GRIK1: variants seen among roughly 807,000 people sequenced by gnomAD.
GRIK1 encodes the protein glutamate ionotropic receptor kainate type subunit 1.
GRIK1 carries 69 observed loss-of-function variants against 105.7 expected under a neutral mutation model. The ratio of observed to expected loss-of-function variants is 0.65; its 90% confidence interval spans 0.54 to 0.80. The LOEUF (loss-of-function observed/expected upper bound fraction) is 0.80, where lower values mean the gene tolerates loss of function less well. Ranked by LOEUF, GRIK1 falls within the 30% of genes least tolerant of loss-of-function variation. The probability of loss-of-function intolerance (pLI) is 0.00; values close to 1 mark genes in which losing one functional copy is unlikely to be tolerated. For synonymous variants in GRIK1, 438 were observed against 431.3 expected (o/e 1.02, Z -0.19); for missense variants, 1,109 against 1,167.3 (o/e 0.95, Z 0.73).
At chr21:29,604,378 T>C (rs1359196435) in intron 7 of GRIK1, among the ~76,000 whole-genome samples, 2 of 152,238 alleles carry the variant, frequency 1.3e-5, no homozygotes, top group Non-Finnish European at 2.9e-5. Flanking sequence ...ATTACCCATG[T>C]CTTCCTGCCT....
intron 1 of GRIK1, among the ~76,000 whole-genome samples, chr21:29,813,684 C>A (rs534885761): frequency 5.3e-5 from 8 of 152,086 alleles, no homozygotes; most frequent in African/African-American, 1.9e-4. Context: ...ATTAATATAT[C>A]TTACACCAAG....
intron 1 of GRIK1, among the ~76,000 whole-genome samples, chr21:29,890,722 G>A (rs528687345): frequency 9.2e-5 from 14 of 152,240 alleles, no homozygotes; most frequent in African/African-American, 3.1e-4. Context: ...TTATAGCAAA[G>A]ACTACTTGGC....
chr21:29,668,439 T>G (rs2063100694), intron 4 of GRIK1, among the ~76,000 whole-genome samples: 1 of 152,088 alleles, frequency 6.6e-6, no homozygotes, highest in Non-Finnish European at 1.5e-5. Context: ...GCAAAGGCTA[T>G]GATGTGGGGA....
intron 7 of GRIK1, among the ~76,000 whole-genome samples, chr21:29,634,899 C>A (rs2062363823): frequency 6.6e-6 from 1 of 152,106 alleles, no homozygotes; most frequent in African/African-American, 2.4e-5. Flanking sequence ...AAGCTATGAG[C>A]AAGTTTGTGT....
intron 7 of GRIK1, among the ~76,000 whole-genome samples, chr21:29,606,689 AC>A (rs1216303541): frequency 2.6e-5 from 4 of 151,548 alleles, no homozygotes; most frequent in Non-Finnish European, 4.4e-5. Flanking sequence ...ACAAAACAAA[AC>A]AAAACAAAAA....
At chr21:29,886,877 G>T (rs1055010210) in intron 1 of GRIK1, among the ~76,000 whole-genome samples, 1 of 152,124 alleles carries the variant, frequency 6.6e-6, no homozygotes, top group Non-Finnish European at 1.5e-5. Context: ...CTTTTTCAAA[G>T]AGAAATGTAC....
At chr21:29,803,597 A>T (rs1367317488) in intron 1 of GRIK1, among the ~76,000 whole-genome samples, 2 of 152,108 alleles carry the variant, frequency 1.3e-5, no homozygotes, top group East Asian at 1.9e-4. Flanking sequence ...CAGGGCTTTC[A>T]CTAAGTAAAT....
chr21:29,861,005 T>C (rs1436862304), intron 1 of GRIK1, among the ~76,000 whole-genome samples: 1 of 152,194 alleles, frequency 6.6e-6, no homozygotes, highest in East Asian at 1.9e-4. Context: ...CTGGTTTTTT[T>C]TTTTAACTTC....
chr21:29,571,196 C>T (rs190455792), intron 14 of GRIK1, among the ~76,000 whole-genome samples: 3 of 151,916 alleles, frequency 2.0e-5, no homozygotes, highest in Admixed American at 2.0e-4. Context: ...TAAAAACACA[C>T]ACACACAAAA....
At chr21:29,761,353 G>C (rs563285417) in intron 1 of GRIK1, 1 of 152,168 alleles carries the variant, frequency 6.6e-6, no homozygotes, top group Non-Finnish European at 1.5e-5. Flanking sequence ...TTGACAGAAA[G>C]ACCACAGGCC....
chr21:29,756,144 G>T (rs1182552049), intron 1 of GRIK1, among the ~76,000 whole-genome samples: 4 of 152,218 alleles, frequency 2.6e-5, no homozygotes, highest in African/African-American at 7.2e-5. Flanking sequence ...CACTTTGGGA[G>T]GCCGAGGCGG....
intron 1 of GRIK1, among the ~76,000 whole-genome samples, chr21:29,790,341 C>T (rs2066379466): frequency 6.6e-6 from 1 of 152,196 alleles, no homozygotes; most frequent in African/African-American, 2.4e-5. Context: ...GCCACCTCGC[C>T]TGGCCAAGTC....
intron 1 of GRIK1, among the ~76,000 whole-genome samples, chr21:29,715,603 C>T (rs934824927): frequency 6.6e-6 from 1 of 150,958 alleles, no homozygotes; most frequent in Non-Finnish European, 1.5e-5. Flanking sequence ...TAATGCTGAC[C>T]CTACCAAGAA....
chr21:29,782,317 A>G (rs2066145153), intron 1 of GRIK1, among the ~76,000 whole-genome samples: 2 of 151,812 alleles, frequency 1.3e-5, no homozygotes, highest in African/African-American at 4.8e-5. Flanking sequence ...CGATCTCCTG[A>G]CCTTGTGATC....
intron 14 of GRIK1, among the ~76,000 whole-genome samples, chr21:29,572,381 T>A (rs997610941): frequency 6.6e-6 from 1 of 152,126 alleles, no homozygotes; most frequent in Non-Finnish European, 1.5e-5. Context: ...TGTCTCTTCT[T>A]GTGTGGGTCC....
At chr21:29,706,965 C>T (rs534572521) in intron 1 of GRIK1, among the ~76,000 whole-genome samples, 1 of 152,198 alleles carries the variant, frequency 6.6e-6, no homozygotes, top group South Asian at 2.1e-4. Flanking sequence ...CCCGGGTTCA[C>T]GCCATTCTCC....
intron 14 of GRIK1, among the ~76,000 whole-genome samples, chr21:29,572,480 T>A (rs77743239): frequency 1.3e-5 from 2 of 152,096 alleles, no homozygotes; most frequent in African/African-American, 4.8e-5. Flanking sequence ...CTCTCTCTGA[T>A]AGAAATCCAC....
chr21:29,825,567 G>GTTTTTAACCCTT (rs991612498), intron 1 of GRIK1, among the ~76,000 whole-genome samples: 1 of 151,982 alleles, frequency 6.6e-6, no homozygotes, highest in African/African-American at 2.4e-5. Flanking sequence ...TGGCTTTCTG[G>GTTTTTAACCCTT]TTAAAAAGGG....
chr21:29,617,507 T>G (rs1674344726), intron 7 of GRIK1, among the ~76,000 whole-genome samples: 1 of 152,228 alleles, frequency 6.6e-6, no homozygotes, highest in Non-Finnish European at 1.5e-5. Context: ...GCATGTTATG[T>G]GCTGATGCTG....
Sources: allele counts gnomAD v4.1 joint callset (sites outside exome capture counted in the v4.1 genomes callset), GRCh38; gene constraint gnomAD v4.1.1; transcripts MANE v1.5; gene names NCBI Gene and HGNC (gene_info 2026-07-23, HGNC 2026-07-21).